The following GALNT8 variants were observed in gnomAD, a reference collection of about 807,000 sequenced individuals.
The protein encoded by GALNT8 is polypeptide N-acetylgalactosaminyltransferase 8, also known as probable polypeptide N-acetylgalactosaminyltransferase 8.
GALNT8 carries 66 observed loss-of-function variants against 62.7 expected under a neutral mutation model. The observed-to-expected ratio is 1.05, with a 90% CI of 0.86 to 1.29. The LOEUF is 1.29. GALNT8 is among the 50% of genes most tolerant of loss of function. The pLI is 0.00. For missense variants in GALNT8, 771 were observed against 791.8 expected (o/e 0.97, Z 0.32); for synonymous variants, 288 against 294.3 (o/e 0.98, Z 0.22).
At chr12:4,743,733 T>G (rs1946282593) in intron 3 of GALNT8, among the ~76,000 whole-genome samples, 1 of 152,194 alleles carries the variant, frequency 6.6e-6, no homozygotes, top group African/African-American at 2.4e-5. Flanking sequence ...GTGGGGATAT[T>G]GTAGTGCCTA....
chr12:4,720,923 G>T, intron 1 of GALNT8, 35 bp downstream of exon 1: 1 of 1,290,920 alleles, frequency 7.7e-7, no homozygotes, highest in Non-Finnish European at 1.1e-6. Context: ...AGGTGTGTGT[G>T]TGGGTGTGTG....
chr12:4,744,246 T>C lies in GALNT8; in HGVS notation c.677-271T>C, dbSNP rs1049670144. Among the ~76,000 whole-genome samples, 6 of 152,198 alleles carry C rather than the reference T, an allele frequency of 3.9e-5. No individual in the cohort carries two copies. In the East Asian group the frequency reaches 5.8e-4, roughly 15 times the overall value. ...ACTTCTCAACGTGAAAAAGCACTTA[T>C]AACAGTGCCTGACACGTAGTAAGCA... On this transcript the variant is annotated intron_variant, in intron 3 of 10. Coordinates refer to ENST00000252318, the MANE Select transcript of GALNT8 (RefSeq NM_017417.2).
intron 2 of GALNT8, among the ~76,000 whole-genome samples, chr12:4,733,392 C>T (rs1467067777): frequency 1.1e-4 from 16 of 152,004 alleles, no homozygotes; most frequent in African/African-American, 3.4e-4. Flanking sequence ...GATTGATATA[C>T]GGTGGGTAAG....
At chr12:4,743,907 C>T (rs1450201252) in intron 3 of GALNT8, among the ~76,000 whole-genome samples, 2 of 152,112 alleles carry the variant, frequency 1.3e-5, no homozygotes, top group African/African-American at 4.8e-5. Flanking sequence ...AAGCCATAGA[C>T]AAGCTTTATT....
chr12:4,752,808 C>T (rs1384230089), intron 6 of GALNT8, among the ~76,000 whole-genome samples: 1 of 152,142 alleles, frequency 6.6e-6, no homozygotes, highest in Non-Finnish European at 1.5e-5. Flanking sequence ...CATTAACATC[C>T]TTTTCTTTCT....
chr12:4,734,578 T>C (rs1252898869), intron 2 of GALNT8, among the ~76,000 whole-genome samples: 1 of 152,100 alleles, frequency 6.6e-6, no homozygotes, highest in Non-Finnish European at 1.5e-5. Flanking sequence ...GGGTTGGCCT[T>C]AGGTGAGGTC....
chr12:4,770,982 G>A (rs1321709850), intron 10 of GALNT8, among the ~76,000 whole-genome samples: 3 of 152,204 alleles, frequency 2.0e-5, no homozygotes, highest in African/African-American at 4.8e-5. Flanking sequence ...AGGGAACAGA[G>A]GGGGGCTGCT....
intron 2 of GALNT8, among the ~76,000 whole-genome samples, chr12:4,730,593 T>C (rs966771860): frequency 1.3e-5 from 2 of 152,214 alleles, no homozygotes; most frequent in African/African-American, 4.8e-5. Flanking sequence ...GGCAGTATCA[T>C]GCTGTTTTGA....
At chr12:4,764,950 T>C (rs1946392221) in intron 9 of GALNT8, among the ~76,000 whole-genome samples, 2 of 151,830 alleles carry the variant, frequency 1.3e-5, no homozygotes, top group Admixed American at 1.3e-4. Flanking sequence ...ACAATAGATA[T>C]CATTTGCACT....
chr12:4,725,025 C>G (rs1451254097), intron 1 of GALNT8, among the ~76,000 whole-genome samples: 1 of 152,210 alleles, frequency 6.6e-6, no homozygotes, highest in African/African-American at 2.4e-5. Context: ...AGGATGCCTT[C>G]TTCTAACTTG....
At position 4,761,150 on chromosome 12, in the gene GALNT8, C is replaced by A. The variant is rs2137541852; in HGVS notation, c.1359+7C>A. ...CTGGAACATACCTCTCCAGGTGAGT[C>A]ATGGAATTGAACAGCAGCACGGAAG... On this transcript the variant is annotated splice_region_variant and intron_variant, in intron 7 of 10. Coordinates refer to ENST00000252318, the MANE Select transcript of GALNT8 (RefSeq NM_017417.2). 1 of 1,609,420 alleles carries A rather than the reference C, an allele frequency of 6.2e-7. No homozygotes were observed. The highest frequency in any genetic ancestry group is 1.1e-5 in the South Asian group (1 of 90,834).
chr12:4,737,699 G>T (rs1946252064), intron 2 of GALNT8, among the ~76,000 whole-genome samples: 1 of 152,160 alleles, frequency 6.6e-6, no homozygotes, highest in African/African-American at 2.4e-5. Context: ...CCCTGAAGAG[G>T]TGTTTAGGTC....
At chr12:4,765,159 C>T (rs1452379841) in intron 9 of GALNT8, among the ~76,000 whole-genome samples, 1 of 151,878 alleles carries the variant, frequency 6.6e-6, no homozygotes, top group Non-Finnish European at 1.5e-5. Flanking sequence ...CTGTTGGAAC[C>T]CTCCTAGGCC....
chr12:4,771,977 T>C (rs1946426738), intron 10 of GALNT8, among the ~76,000 whole-genome samples: 1 of 152,182 alleles, frequency 6.6e-6, no homozygotes, highest in African/African-American at 2.4e-5. Flanking sequence ...GGCGGGAAGC[T>C]GCCTCAGAGG....
chr12:4,721,439 A>T (rs909244045), intron 1 of GALNT8, among the ~76,000 whole-genome samples: 1 of 151,664 alleles, frequency 6.6e-6, no homozygotes, highest in Non-Finnish European at 1.5e-5. Flanking sequence ...GGAGAGGGGG[A>T]TGTGTCAGGG....
intron 6 of GALNT8, among the ~76,000 whole-genome samples, chr12:4,746,830 A>C (rs1273694987): frequency 6.6e-6 from 1 of 152,176 alleles, no homozygotes; most frequent in Non-Finnish European, 1.5e-5. Context: ...AGGCTGAGGC[A>C]GGCAGATTGC....
At chr12:4,772,375 G>C (rs1946428689) in intron 10 of GALNT8, 70 bp from the exon 11 acceptor site, 3 of 1,365,794 alleles carry the variant, frequency 2.2e-6, no homozygotes, top group Non-Finnish European at 2.1e-6. Flanking sequence ...AGCAGGGAGA[G>C]CAGGGCTAGA....
chr12:4,734,835 C>CT (rs926132511), intron 2 of GALNT8, among the ~76,000 whole-genome samples: 13 of 152,100 alleles, frequency 8.5e-5, no homozygotes, highest in African/African-American at 3.1e-4. Context: ...GGAGTGTGTG[C>CT]TTTTTTGTGT....
At chr12:4,770,069 C>T (rs951492801) in intron 10 of GALNT8, among the ~76,000 whole-genome samples, 5 of 152,170 alleles carry the variant, frequency 3.3e-5, no homozygotes, top group African/African-American at 1.2e-4. Context: ...GAGGCCGAGG[C>T]GGGCAGACCA....
Sources: allele counts gnomAD v4.1 joint callset (sites outside exome capture counted in the v4.1 genomes callset), GRCh38; gene constraint gnomAD v4.1.1; transcripts MANE v1.5; gene names NCBI Gene and HGNC (gene_info 2026-07-23, HGNC 2026-07-21).